The following ACSM2B variants were observed in gnomAD, a reference collection of about 807,000 sequenced individuals.
The protein encoded by ACSM2B is acyl-coenzyme A synthetase ACSM2B, mitochondrial.
Under a neutral mutation model 78.6 loss-of-function variants are expected in ACSM2B, and 58 were observed. That is an observed-to-expected ratio of 0.74 (90% CI 0.60 to 0.92). The LOEUF is 0.92. ACSM2B is among the 40% of genes least tolerant of loss of function. The pLI, the probability that ACSM2B is intolerant of heterozygous loss-of-function variation, is 0.00. For missense variants in ACSM2B, 688 were observed against 711.2 expected, an observed-to-expected ratio of 0.97 and a Z score of 0.37; for synonymous variants, 257 against 256.8, an observed-to-expected ratio of 1.00 and a Z score of -0.01.
rs752481239 is a variant in ACSM2B at position 20,537,213 on chromosome 16, A to G, written c.*45T>C. 5.0e-6 allele frequency: 8 copies of G among 1,605,822 alleles called. No homozygotes were observed. The highest frequency in any genetic ancestry group is 1.3e-5 in the African/African-American group (1 of 74,760). On this transcript the variant is annotated 3_prime_UTR_variant, in exon 14 of 14. Coordinates refer to ENST00000329697, the MANE Select transcript of ACSM2B (RefSeq NM_001105069.2). ...AAGGCCAAGGGCCCAAAGGGAAAAGAAAGAGAAAGAAGAGGGGAATCCAAA... is the reference window on the plus strand; with the variant it reads ...AAGGCCAAGGGCCCAAAGGGAAAAGGAAGAGAAAGAAGAGGGGAATCCAAA...
At position 20,559,430 on chromosome 16, in the gene ACSM2B, T is replaced by C. The variant is rs377623779; in HGVS notation, c.195A>G (p.Pro65=). ...ADMEKAGKRL[P]SPALWWVNGK... ...CATTCACCCACCACAGGGCTGGGCT[T>C]GGGAGTCGCTTGCCAGCCTGAGGAA... Residue 65 remains proline (P), a synonymous_variant, in exon 3 of 14, where the codon CCA becomes CCG. Transcript: ENST00000329697. 5.0e-6 allele frequency: 8 copies of C among 1,612,890 alleles called. No homozygotes were observed. In the African/African-American group the frequency reaches 6.7e-5, roughly 13 times the overall value.
Position 20,540,676 on chromosome 16 carries a change from G to A in ACSM2B, c.1607C>T (p.Ala536Val). 1 of 1,614,054 alleles carries A rather than the reference G, an allele frequency of 6.2e-7. No homozygotes were observed. The highest frequency in any genetic ancestry group is 8.5e-7 in the Non-Finnish European group (1 of 1,179,966). The change falls in exon 13 of 14, where the codon GCC becomes GTC. Residue 536 changes from alanine (A) to valine (V), a missense_variant. Physicochemically the swap from Ala to Val is moderately conservative, Grantham distance 64. Coordinates refer to ENST00000329697, the MANE Select transcript of ACSM2B (RefSeq NM_001105069.2). Reference sequence around the variant, plus strand: ...TACCTTTCTTGGGTACTTGTATGGGGCTGTCACTGACTTCACATGCTGCTG... The same window carrying A: ...TACCTTTCTTGGGTACTTGTATGGGACTGTCACTGACTTCACATGCTGCTG... Reference protein sequence around the residue: ...ELQQHVKSVTAPYKYPRKIEF... With the variant: ...ELQQHVKSVTVPYKYPRKIEF...
intron 1 of ACSM2B, among the ~76,000 whole-genome samples, chr16:20,566,222 C>T (rs1349146035): frequency 1.5e-5 from 2 of 131,744 alleles, no homozygotes; most frequent in Admixed American, 8.5e-5. Flanking sequence ...CTCTCTCTCC[C>T]ATACCATACT....
intron 6 of ACSM2B, among the ~76,000 whole-genome samples, chr16:20,551,075 G>T (rs993914226): frequency 1.3e-5 from 2 of 152,124 alleles, no homozygotes; most frequent in Non-Finnish European, 2.9e-5. Flanking sequence ...TTGAGTAAAA[G>T]AAGCCAAATG....
At chr16:20,565,580 T>G (rs12925561) in intron 1 of ACSM2B, among the ~76,000 whole-genome samples, 27,797 of 152,090 alleles carry the variant, frequency 0.18, 3,595 homozygotes, top group East Asian at 0.69. Flanking sequence ...TTTCTTTAAA[T>G]TGAATCTGGA....
chr16:20,567,009 C>T (rs1474529048), intron 1 of ACSM2B, among the ~76,000 whole-genome samples: 39 of 121,202 alleles, frequency 3.2e-4, no homozygotes, highest in Non-Finnish European at 5.1e-4. Flanking sequence ...TCTGTGTATA[C>T]ACCATATTGT....
chr16:20,557,761 G>T (rs1167167144), intron 3 of ACSM2B, among the ~76,000 whole-genome samples: 1 of 152,112 alleles, frequency 6.6e-6, no homozygotes, highest in Non-Finnish European at 1.5e-5. Context: ...CAGGCACACA[G>T]ATATCCTTTT....
intron 3 of ACSM2B, among the ~76,000 whole-genome samples, 199 bp downstream of exon 3, chr16:20,559,038 T>C (rs1204474511): frequency 1.3e-5 from 2 of 152,186 alleles, no homozygotes; most frequent in African/African-American, 4.8e-5. Flanking sequence ...AACTATGTCA[T>C]TGTTGTTGTT....
rs189867545 is a variant in ACSM2B at position 20,559,742 on chromosome 16, G to A, written c.178-295C>T. ...CATAATTTTTTTATAATGATAAAGT[G>A]TACTTTTCAAAATGAAAAAATAATG... On this transcript the variant is annotated intron_variant, in intron 2 of 13. Coordinates refer to ENST00000329697, the MANE Select transcript of ACSM2B (RefSeq NM_001105069.2). Among the ~76,000 whole-genome samples the A allele has an allele frequency of 7.2e-4, 108 of 150,704 alleles. 1 individual carries two copies. Among genetic ancestry groups the A allele is most frequent in the Admixed American group, 4.1e-3 (63 of 15,240 alleles).
At chr16:20,558,631 C>T (rs1437413096) in intron 3 of ACSM2B, among the ~76,000 whole-genome samples, 2 of 152,130 alleles carry the variant, frequency 1.3e-5, no homozygotes. Flanking sequence ...TCAAATATCA[C>T]TTCCATTGAG....
chr16:20,566,743 A>ATATATAG (rs2015896583), intron 1 of ACSM2B, among the ~76,000 whole-genome samples: 1 of 76,562 alleles, frequency 1.3e-5, no homozygotes, highest in Non-Finnish European at 2.1e-5. Context: ...AGTATATACT[A>ATATATAG]TATATACTAT....
intron 6 of ACSM2B, among the ~76,000 whole-genome samples, chr16:20,549,105 C>A (rs1158770311): frequency 2.0e-5 from 3 of 152,020 alleles, no homozygotes; most frequent in East Asian, 1.9e-4. Context: ...CCATGATGTA[C>A]AAGGTTAAGT....
At chr16:20,561,463 C>G (rs995273218) in intron 2 of ACSM2B, among the ~76,000 whole-genome samples, 54 of 151,368 alleles carry the variant, frequency 3.6e-4, no homozygotes, top group African/African-American at 1.3e-3. Context: ...GTTAAAACAA[C>G]AAGATCTCTC....
intron 10 of ACSM2B, among the ~76,000 whole-genome samples, chr16:20,543,615 C>A (rs1261459313): frequency 1.3e-5 from 2 of 152,212 alleles, no homozygotes; most frequent in African/African-American, 4.8e-5. Flanking sequence ...CCACTCAAAG[C>A]TATCATTTTG....
At chr16:20,567,196 C>T (rs2015924990) in intron 1 of ACSM2B, among the ~76,000 whole-genome samples, 1 of 126,610 alleles carries the variant, frequency 7.9e-6, no homozygotes, top group Non-Finnish European at 1.6e-5. Context: ...ACATATTATA[C>T]TATTATATTA....
In ACSM2B at chr16:20,536,992, C is replaced by T; in HGVS notation, c.*266G>A. On this transcript the variant is annotated 3_prime_UTR_variant, in exon 14 of 14. Transcript: ENST00000329697. ...CCCTACTTTATTTCTTTTTCAATTG[C>T]TTTCTCTTGCAGTTTTTAACATTTC... 2 of 322,138 alleles carry T rather than the reference C, an allele frequency of 6.2e-6. No homozygotes were observed. Among genetic ancestry groups the T allele is most frequent in the Non-Finnish European group, 1.1e-5 (2 of 179,296 alleles). The allele number at this position is 322,138 out of a possible 1,614,324, so 20.0% of individuals were successfully genotyped here. A position where few individuals can be genotyped will look rare whatever the true frequency, so the allele number is the denominator to read the frequency against.
At chr16:20,541,653 C>CA (rs1213549581) in intron 12 of ACSM2B, 3 of 144,464 alleles carry the variant, frequency 2.1e-5, no homozygotes, top group Admixed American at 6.9e-5. Flanking sequence ...ACTTCACTTT[C>CA]TTTTTTCCTT....
intron 6 of ACSM2B, among the ~76,000 whole-genome samples, chr16:20,550,353 T>C (rs1037269471): frequency 7.2e-5 from 11 of 152,216 alleles, no homozygotes; most frequent in Admixed American, 5.9e-4. Flanking sequence ...TATTCCTTAT[T>C]GCTTTGACTT....
At chr16:20,537,685 G>A (rs1015187853) in intron 13 of ACSM2B, among the ~76,000 whole-genome samples, 6 of 152,176 alleles carry the variant, frequency 3.9e-5, no homozygotes, top group South Asian at 2.1e-4. Flanking sequence ...TCTGGCTTTC[G>A]CCAGGTCCTT....
Sources: gnomAD v4.1 joint callset for allele counts (sites outside exome capture counted in the v4.1 genomes callset) on GRCh38, gnomAD v4.1.1 for gene constraint, MANE v1.5 for transcripts, NCBI Gene and HGNC (gene_info 2026-07-23, HGNC 2026-07-21) for gene names.